OTOGL: variants seen among roughly 807,000 people sequenced by gnomAD.
The protein encoded by OTOGL is otogelin-like protein.
A neutral mutation model predicts 318.5 loss-of-function variants in OTOGL; 285 were observed. The observed-to-expected ratio is 0.89, with a 90% CI of 0.81 to 0.99. OTOGL has a LOEUF of 0.99. Among genes scored for constraint, OTOGL ranks in the 50% least tolerant of loss-of-function variants. OTOGL has a pLI of 0.00. For missense variants in OTOGL, 2,899 were observed against 2,845.6 expected (o/e 1.02, Z -0.43); for synonymous variants, 987 against 936.5 (o/e 1.05, Z -0.99).
At chr12:80,108,745 A>C (rs1869605291) in intron 1 of OTOGL, among the ~76,000 whole-genome samples, 1 of 144,064 alleles carries the variant, frequency 6.9e-6, no homozygotes. Flanking sequence ...GGACACATGT[A>C]TTTAAAAAAA....
intron 1 of OTOGL, among the ~76,000 whole-genome samples, chr12:80,201,117 G>A (rs1876423205): frequency 6.6e-6 from 1 of 152,174 alleles, no homozygotes; most frequent in African/African-American, 2.4e-5. Context: ...AACCTATGGA[G>A]GCAAGTGGAA....
chr12:80,325,030 G>A (rs910338059), intron 35 of OTOGL, among the ~76,000 whole-genome samples: 13 of 94,776 alleles, frequency 1.4e-4, no homozygotes, highest in African/African-American at 3.2e-4. Flanking sequence ...AGTATAAACA[G>A]CTTTTTTTTT....
rs1882055419 is a variant in OTOGL, at chr12:80,256,467, A to C, written c.1711+7A>C. On this transcript the variant is annotated splice_region_variant and intron_variant, in intron 17 of 58. Coordinates refer to ENST00000547103, the MANE Select transcript of OTOGL (RefSeq NM_001378609.3). Reference sequence around the variant, plus strand: ...CAAGGCTTCAACCTGAATGGTAAGAAACAGTGCTAATGGTGTACTTTCTTT... The same window carrying C: ...CAAGGCTTCAACCTGAATGGTAAGACACAGTGCTAATGGTGTACTTTCTTT... The C allele has an allele frequency of 6.4e-7, 1 of 1,572,034 alleles. No individual in the cohort carries two copies. The highest frequency in any genetic ancestry group is 2.3e-5 in the East Asian group (1 of 43,994).
intron 1 of OTOGL, among the ~76,000 whole-genome samples, chr12:80,113,927 G>C (rs560958068): frequency 5.3e-5 from 8 of 152,140 alleles, no homozygotes; most frequent in African/African-American, 1.9e-4. Flanking sequence ...ATGAGACTAG[G>C]ATTGCAACAC....
chr12:80,121,486 A>T (rs1417252294), intron 1 of OTOGL, among the ~76,000 whole-genome samples: 2 of 152,136 alleles, frequency 1.3e-5, no homozygotes, highest in African/African-American at 2.4e-5. Context: ...CATTATATAG[A>T]AGTCTCTAAT....
Position 80,114,416 on chromosome 12 carries a change from T to G in OTOGL, c.-20+14811T>G, listed in dbSNP as rs1051734742. Among the ~76,000 whole-genome samples, 5 of 152,330 alleles carry G rather than the reference T, an allele frequency of 3.3e-5. No individual in the cohort carries two copies. The East Asian group carries it at 9.6e-4, about 29-fold the overall frequency. On this transcript the variant is annotated intron_variant, in intron 1 of 58. Coordinates refer to ENST00000547103, the MANE Select transcript of OTOGL (RefSeq NM_001378609.3). The stretch of plus-strand genomic sequence containing the variant: ...TGAAATTCTGGGTTGAAAATTCTTT[T>G]CTTTAAGAACGTTGCATATTAGCCC...
rs1365391968 is a variant in OTOGL, at chr12:80,368,320, T to C, written c.6615+11T>C. ...TCAGTTGTATACGCGGTATGTTTCA[T>C]GGAGAGTAATGCTCTGTGCTATTTT... On this transcript the variant is annotated intron_variant, in intron 55 of 58. Coordinates refer to ENST00000547103, the MANE Select transcript of OTOGL (RefSeq NM_001378609.3). 3.9e-6 allele frequency: 6 copies of C among 1,546,904 alleles called. No homozygotes were observed. The highest frequency in any genetic ancestry group is 5.3e-6 in the Non-Finnish European group (6 of 1,133,794).
rs114195731 is a variant in OTOGL at position 80,143,916 on chromosome 12, C to A, written c.-20+44311C>A. ...TGTTTTTATATCTAGTTCTTCCATG[C>A]TAAAAGAGTTAATGGTATTCTAAAA... On this transcript the variant is annotated intron_variant, in intron 1 of 58. Transcript: ENST00000547103. 6.4e-3 allele frequency among the ~76,000 whole-genome samples: 972 copies of A among 151,980 alleles called. 14 individuals carry two copies. The highest frequency in any genetic ancestry group is 0.021 in the African/African-American group (860 of 41,446).
chr12:80,358,992 T>C, intron 52 of OTOGL, 92 bp downstream of exon 52: 1 of 1,059,644 alleles, frequency 9.4e-7, no homozygotes, highest in Middle Eastern at 3.1e-4. Flanking sequence ...TTCTTAGAGT[T>C]AATAAAATTA....
At chr12:80,154,186 G>C (rs1390214314) in intron 1 of OTOGL, among the ~76,000 whole-genome samples, 3 of 152,100 alleles carry the variant, frequency 2.0e-5, no homozygotes, top group African/African-American at 7.2e-5. Context: ...GCTCACGCCT[G>C]TAGTCCCAGC....
chr12:80,362,362 A>G (rs1312938911), intron 52 of OTOGL, among the ~76,000 whole-genome samples: 1 of 152,182 alleles, frequency 6.6e-6, no homozygotes, highest in Non-Finnish European at 1.5e-5. Context: ...TGCTGGTACC[A>G]TGCTGTTTTG....
At chr12:80,118,859 G>C (rs1449510328) in intron 1 of OTOGL, among the ~76,000 whole-genome samples, 1 of 149,018 alleles carries the variant, frequency 6.7e-6, no homozygotes, top group Non-Finnish European at 1.5e-5. Flanking sequence ...TTTAATCTTA[G>C]ATCTGTTTTT....
At chr12:80,278,315 AAT>A (rs1469579579) in intron 25 of OTOGL, 40 bp downstream of exon 25, 6 of 1,381,676 alleles carry the variant, frequency 4.3e-6, no homozygotes, top group Non-Finnish European at 6.0e-6. Flanking sequence ...TTTCCTAAGT[AAT>A]TGTGTAAATT....
intron 57 of OTOGL, among the ~76,000 whole-genome samples, chr12:80,373,362 G>A (rs985357685): frequency 6.6e-6 from 1 of 152,072 alleles, no homozygotes; most frequent in African/African-American, 2.4e-5. Flanking sequence ...AACCCGAGAG[G>A]CGGAGGTTAC....
chr12:80,278,911 G>T (rs943882414), intron 25 of OTOGL, 117 bp from the exon 26 acceptor site: 20 of 1,171,328 alleles, frequency 1.7e-5, no homozygotes, highest in Middle Eastern at 4.8e-4. Flanking sequence ...GGCAATATTC[G>T]TAAGGGATAT....
chr12:80,134,847 C>T (rs1354810153), intron 1 of OTOGL, among the ~76,000 whole-genome samples: 1 of 152,184 alleles, frequency 6.6e-6, no homozygotes, highest in African/African-American at 2.4e-5. Context: ...TCCATCCCCT[C>T]ATATCTCTGC....
At chr12:80,102,952 C>T (rs1358378050) in intron 1 of OTOGL, 1 of 865,760 alleles carries the variant, frequency 1.2e-6, no homozygotes, top group Non-Finnish European at 2.0e-6. Context: ...TCCTTTCCTA[C>T]TTGGCGAGAT....
chr12:80,279,236 C>T, intron 26 of OTOGL, 70 bp downstream of exon 26: 1 of 1,362,372 alleles, frequency 7.3e-7, no homozygotes, highest in Admixed American at 2.4e-5. Context: ...GTATGCTGGT[C>T]CCTGATATAT....
At chr12:80,254,189 A>C (rs17006557) in intron 14 of OTOGL, among the ~76,000 whole-genome samples, 1 of 151,988 alleles carries the variant, frequency 6.6e-6, no homozygotes, top group African/African-American at 2.4e-5. Context: ...GGAAGGTAGA[A>C]TTTATCTGAC....
Sources: allele counts gnomAD v4.1 joint callset (sites outside exome capture counted in the v4.1 genomes callset), GRCh38; gene constraint gnomAD v4.1.1; transcripts MANE v1.5; gene names NCBI Gene and HGNC (gene_info 2026-07-23, HGNC 2026-07-21).